The following SOX1 variants were observed in gnomAD, a reference collection of about 807,000 sequenced individuals.
The protein encoded by SOX1 is transcription factor SOX-1.
In SOX1, 1 loss-of-function variant was observed where a neutral mutation model predicts 0.9. That is an observed-to-expected ratio of 1.07 (90% CI 0.38 to 5.06). The LOEUF (loss-of-function observed/expected upper bound fraction) is 5.06. Among genes scored for constraint, SOX1 ranks in the 30% most tolerant of loss-of-function variants. The pLI is 0.16. For missense variants in SOX1, 564 were observed against 534.4 expected, an observed-to-expected ratio of 1.06 and a Z score of -0.55; for synonymous variants, 397 against 265.5, an observed-to-expected ratio of 1.50 and a Z score of -4.81.
chr13:112,068,111 G>T lies in SOX1; in HGVS notation c.453G>T (p.Ala151=). 1 of 1,458,162 alleles carries T rather than the reference G, an allele frequency of 6.9e-7. No homozygotes were observed. 90.3% of individuals were successfully genotyped at this position (1,458,162 alleles called of 1,614,324 possible). A position where few individuals can be genotyped will look rare whatever the true frequency, so the allele number is the denominator to read the frequency against. Residue 151 remains alanine (A), a synonymous_variant, in exon 1 of 1, where the codon GCG becomes GCT. Transcript: ENST00000330949. The surrounding 1 kb of genome is among the most constrained non-coding windows in gnomAD (Gnocchi z 6.9). ...LLAAGAGGGG[A]AVAMGVGVGV... ...CGGCCGGCGCGGGTGGCGGCGGCGCGGCTGTGGCCATGGGCGTGGGCGTGG... is the reference window on the plus strand; with the variant it reads ...CGGCCGGCGCGGGTGGCGGCGGCGCTGCTGTGGCCATGGGCGTGGGCGTGG...
At position 112,069,004 on chromosome 13, in the gene SOX1, T is replaced by G; in HGVS notation, c.*170T>G. 3.7e-5 allele frequency: 15 copies of G among 409,498 alleles called. No individual in the cohort carries two copies. Among genetic ancestry groups the G allele is most frequent in the East Asian group, 5.9e-5 (1 of 17,038 alleles). 25.4% of individuals were successfully genotyped at this position (409,498 alleles called of 1,614,324 possible). On this transcript the variant is annotated 3_prime_UTR_variant, in exon 1 of 1. Coordinates refer to ENST00000330949, the MANE Select transcript of SOX1 (RefSeq NM_005986.3). The stretch of plus-strand genomic sequence containing the variant: ...GGGTGACGCGTGTCCCCCACTCACC[T>G]TCCCCGGAGACCCTGGCGACCGCCG...
rs145264576 is a variant in SOX1, at chr13:112,068,036, C to T, written c.378C>T (p.Thr126=). The change falls in exon 1 of 1, where the codon ACC becomes ACT. Residue 126 remains threonine, a synonymous_variant. Transcript: ENST00000330949. This position sits in a 1 kb window ranked among gnomAD's most constrained non-coding sequence, Gnocchi z 6.9. ...ACAAGTACCGGCCGCGCCGCAAGAC[C>T]AAGACGCTGCTCAAGAAGGACAAGT... ...PDYKYRPRRK[T]KTLLKKDKYS... is the part of the protein sequence containing the mutation. The T allele has an allele frequency of 1.6e-4, 261 of 1,603,484 alleles. No individual in the cohort carries two copies. In the African/African-American group the frequency reaches 3.0e-3, roughly 19 times the overall value.
chr13:112,067,408 C>T lies in SOX1; in HGVS notation c.-251C>T, dbSNP rs1880745080. On this transcript the variant is annotated 5_prime_UTR_variant, in exon 1 of 1. Coordinates refer to ENST00000330949, the MANE Select transcript of SOX1 (RefSeq NM_005986.3). This position sits in a 1 kb window ranked among gnomAD's most constrained non-coding sequence, Gnocchi z 5.1. Reference sequence around the variant, plus strand: ...TGGCGGCGAAGACGGCGACCCCGACCGTCGGCCTCTTTGGCAAGTGGTTTG... The same window carrying T: ...TGGCGGCGAAGACGGCGACCCCGACTGTCGGCCTCTTTGGCAAGTGGTTTG... 6.6e-6 allele frequency among the ~76,000 whole-genome samples: 1 copy of T among 152,166 alleles called. No homozygotes were observed.
At position 112,068,228 on chromosome 13, in the gene SOX1, C is replaced by A; in HGVS notation, c.570C>A (p.Gly190=). ...GYAHVNGWAN[G]AYPGSVAAAA... ...CGCACGTCAACGGCTGGGCCAACGG[C>A]GCCTACCCCGGCTCGGTGGCGGCGG... is the stretch of plus-strand genomic sequence containing the variant. Residue 190 remains glycine, a synonymous_variant, in exon 1 of 1, where the codon GGC becomes GGA. Coordinates refer to ENST00000330949, the MANE Select transcript of SOX1 (RefSeq NM_005986.3). The surrounding 1 kb of genome is among the most constrained non-coding windows in gnomAD (Gnocchi z 6.9). 1 of 738,664 alleles carries A rather than the reference C, an allele frequency of 1.4e-6. No individual in the cohort carries two copies. The highest frequency in any genetic ancestry group is 1.7e-6 in the Non-Finnish European group (1 of 601,186). The allele number at this position is 738,664 out of a possible 1,614,324, so 45.8% of individuals were successfully genotyped here.
At position 112,067,455 on chromosome 13, in the gene SOX1, C is replaced by T. The variant is rs1041062085; in HGVS notation, c.-204C>T. ...TTTGTGCATCAGGAGAAACTTTCCA[C>T]CTGCGAGCCGAACCGGCGCCGAGTG... On this transcript the variant is annotated 5_prime_UTR_variant, in exon 1 of 1. Transcript: ENST00000330949. The surrounding 1 kb of genome is among the most constrained non-coding windows in gnomAD (Gnocchi z 5.1). Among the ~76,000 whole-genome samples, 30 of 152,290 alleles carry T rather than the reference C, an allele frequency of 2.0e-4. No homozygotes were observed. Among genetic ancestry groups the T allele is most frequent in the Admixed American group, 1.8e-3 (27 of 15,312 alleles).
At position 112,070,574 on chromosome 13, in the gene SOX1, G is replaced by A. The variant is rs913178467; in HGVS notation, c.*1740G>A. ...AAAAAAAAACACTTGAAGCCCAGAT[G>A]GAAATACGTTTATTTCAGCAGCCTT... is the stretch of plus-strand genomic sequence containing the variant. On this transcript the variant is annotated 3_prime_UTR_variant, in exon 1 of 1. Coordinates refer to ENST00000330949, the MANE Select transcript of SOX1 (RefSeq NM_005986.3). 1 of 166,798 alleles carries A rather than the reference G, an allele frequency of 6.0e-6. No homozygotes were observed. The highest frequency in any genetic ancestry group is 1.5e-5 in the Non-Finnish European group (1 of 68,074). 10.3% of individuals were successfully genotyped at this position (166,798 alleles called of 1,614,324 possible). A position where few individuals can be genotyped will look rare whatever the true frequency, so the allele number is the denominator to read the frequency against.
Position 112,068,483 on chromosome 13 carries a change from C to G in SOX1, c.825C>G (p.Gly275=). 1.8e-6 allele frequency: 2 copies of G among 1,122,734 alleles called. No individual in the cohort carries two copies. 69.5% of individuals were successfully genotyped at this position (1,122,734 alleles called of 1,614,324 possible). A position where few individuals can be genotyped will look rare whatever the true frequency, so the allele number is the denominator to read the frequency against. The change falls in exon 1 of 1, where the codon GGC becomes GGG. Residue 275 remains glycine, a synonymous_variant. Transcript: ENST00000330949. This position sits in a 1 kb window ranked among gnomAD's most constrained non-coding sequence, Gnocchi z 6.9. ...YMSASPSGYG[G]LPYGAAAAAA... ...GCGCGTCGCCCTCGGGCTACGGCGG[C>G]CTCCCCTACGGCGCCGCGGCCGCCG... is the stretch of plus-strand genomic sequence containing the variant.
Position 112,067,751 on chromosome 13 carries a change from C to T in SOX1, c.93C>T (p.Gly31=). ...CGGGCCCCGCCGGGGCGGGCGGCGGCGGGGGCGGAGGCGGGGGCGGCGGCG... is the reference window on the plus strand; with the variant it reads ...CGGGCCCCGCCGGGGCGGGCGGCGGTGGGGGCGGAGGCGGGGGCGGCGGCG... ...NLSGPAGAGG[G]GGGGGGGGGG... The change falls in exon 1 of 1, where the codon GGC becomes GGT. Residue 31 remains glycine (G), a synonymous_variant. Transcript: ENST00000330949. The surrounding 1 kb of genome is among the most constrained non-coding windows in gnomAD (Gnocchi z 5.1). The T allele has an allele frequency of 3.3e-6, 4 of 1,226,334 alleles. No individual in the cohort carries two copies. The highest frequency in any genetic ancestry group is 1.6e-5 in the African/African-American group (1 of 62,758). The allele number at this position is 1,226,334 out of a possible 1,614,324, so 76.0% of individuals were successfully genotyped here. A position where few individuals can be genotyped will look rare whatever the true frequency, so the allele number is the denominator to read the frequency against.
chr13:112,068,036 C>G lies in SOX1; in HGVS notation c.378C>G (p.Thr126=). 1 of 1,603,484 alleles carries G rather than the reference C, an allele frequency of 6.2e-7. No homozygotes were observed. Among genetic ancestry groups the G allele is most frequent in the Non-Finnish European group, 8.5e-7 (1 of 1,175,094 alleles). ...ACAAGTACCGGCCGCGCCGCAAGAC[C>G]AAGACGCTGCTCAAGAAGGACAAGT... ...PDYKYRPRRK[T]KTLLKKDKYS... The change falls in exon 1 of 1, where the codon ACC becomes ACG. Residue 126 remains threonine, a synonymous_variant. Transcript: ENST00000330949. The surrounding 1 kb of genome is among the most constrained non-coding windows in gnomAD (Gnocchi z 6.9).
chr13:112,070,440 CTT>C lies in SOX1; in HGVS notation c.*1608_*1609del, dbSNP rs950954139. ...TTGAAATTTAAAAATTTCTGTAAAA[CTT>C]TGTCTTCAAGTAATCTGACAGCATT... On this transcript the variant is annotated 3_prime_UTR_variant, in exon 1 of 1. Coordinates refer to ENST00000330949, the MANE Select transcript of SOX1 (RefSeq NM_005986.3). The C allele has an allele frequency of 1.2e-5, 2 of 166,074 alleles. No homozygotes were observed. The highest frequency in any genetic ancestry group is 4.9e-5 in the African/African-American group (2 of 41,120). 10.3% of individuals were successfully genotyped at this position (166,074 alleles called of 1,614,324 possible).
At position 112,068,552 on chromosome 13, in the gene SOX1, G is replaced by C. The variant is rs1460251630; in HGVS notation, c.894G>C (p.Ala298=). 1 of 971,008 alleles carries C rather than the reference G, an allele frequency of 1.0e-6. No individual in the cohort carries two copies. Among genetic ancestry groups the C allele is most frequent in the Non-Finnish European group, 1.2e-6 (1 of 815,368 alleles). 60.1% of individuals were successfully genotyped at this position (971,008 alleles called of 1,614,324 possible). The change falls in exon 1 of 1, where the codon GCG becomes GCC. Residue 298 remains alanine (A), a synonymous_variant. Transcript: ENST00000330949. This position sits in a 1 kb window ranked among gnomAD's most constrained non-coding sequence, Gnocchi z 6.9. ...AGGAHQNSAV[A]AAAAAAAASS... is the part of the protein sequence containing the mutation. ...GCGCGCACCAGAACTCGGCCGTGGC[G>C]GCGGCGGCGGCGGCGGCGGCCGCGT...
rs754244329 is a variant in SOX1, at chr13:112,067,690, A to C, written c.32A>C (p.His11Pro). ...AGCATGATGATGGAGACCGACCTGC[A>C]CTCGCCCGGCGGCGCCCAGGCCCCC... The part of the protein sequence containing the change: MYSMMMETDL[H>P]SPGGAQAPTN... Residue 11 changes from histidine (H) to proline (P), a missense_variant, in exon 1 of 1, where the codon CAC (histidine) becomes CCC (proline). His to Pro is a moderately conservative substitution (Grantham distance 77). Coordinates refer to ENST00000330949, the MANE Select transcript of SOX1 (RefSeq NM_005986.3). The surrounding 1 kb of genome is among the most constrained non-coding windows in gnomAD (Gnocchi z 5.1). 2 of 1,276,666 alleles carry C rather than the reference A, an allele frequency of 1.6e-6. No individual in the cohort carries two copies. The highest frequency in any genetic ancestry group is 2.0e-6 in the Non-Finnish European group (2 of 1,002,094). 79.1% of individuals were successfully genotyped at this position (1,276,666 alleles called of 1,614,324 possible). A position where few individuals can be genotyped will look rare whatever the true frequency, so the allele number is the denominator to read the frequency against.
chr13:112,068,549 G>A lies in SOX1; in HGVS notation c.891G>A (p.Val297=). 4 of 885,742 alleles carry A rather than the reference G, an allele frequency of 4.5e-6. No individual in the cohort carries two copies. The highest frequency in any genetic ancestry group is 5.4e-6 in the Non-Finnish European group (4 of 740,960). The allele number at this position is 885,742 out of a possible 1,614,324, so 54.9% of individuals were successfully genotyped here. A position where few individuals can be genotyped will look rare whatever the true frequency, so the allele number is the denominator to read the frequency against. Reference sequence around the variant, plus strand: ...GCGGCGCGCACCAGAACTCGGCCGTGGCGGCGGCGGCGGCGGCGGCGGCCG... The same window carrying A: ...GCGGCGCGCACCAGAACTCGGCCGTAGCGGCGGCGGCGGCGGCGGCGGCCG... The part of the protein sequence containing the change: ...AAGGAHQNSA[V]AAAAAAAAAS... The change falls in exon 1 of 1, where the codon GTG becomes GTA. Residue 297 remains valine (V), a synonymous_variant. Coordinates refer to ENST00000330949, the MANE Select transcript of SOX1 (RefSeq NM_005986.3). The surrounding 1 kb of genome is among the most constrained non-coding windows in gnomAD (Gnocchi z 6.9).
chr13:112,067,980 C>T lies in SOX1; in HGVS notation c.322C>T (p.Arg108Cys). The T allele has an allele frequency of 1.2e-6, 2 of 1,607,386 alleles. No individual in the cohort carries two copies. The highest frequency in any genetic ancestry group is 2.2e-5 in the East Asian group (1 of 44,624). ...RPFIDEAKRL[R>C]ALHMKEHPDY... ...GTTCATCGACGAGGCCAAGCGGCTGCGCGCGCTGCACATGAAGGAGCACCC... is the reference window on the plus strand; with the variant it reads ...GTTCATCGACGAGGCCAAGCGGCTGTGCGCGCTGCACATGAAGGAGCACCC... Residue 108 changes from arginine to cysteine, a missense_variant, in exon 1 of 1, where the codon CGC becomes TGC. By Grantham distance (180) the Arg-to-Cys change is radical (BLOSUM62 -3). Transcript: ENST00000330949. This position sits in a 1 kb window ranked among gnomAD's most constrained non-coding sequence, Gnocchi z 5.1.
rs1880774854 is a variant in SOX1 at position 112,068,131 on chromosome 13, GC to G, written c.474del (p.Val159TrpfsTer47). 1 of 1,114,558 alleles carries G rather than the reference GC, an allele frequency of 9.0e-7. No homozygotes were observed. Among genetic ancestry groups the G allele is most frequent in the Non-Finnish European group, 1.1e-6 (1 of 906,154 alleles). The allele number at this position is 1,114,558 out of a possible 1,614,324, so 69.0% of individuals were successfully genotyped here. On this transcript the variant is annotated frameshift_variant, in exon 1 of 1. Coordinates refer to ENST00000330949, the MANE Select transcript of SOX1 (RefSeq NM_005986.3). LOFTEE classifies it low-confidence loss of function (END_TRUNC). The surrounding 1 kb of genome is among the most constrained non-coding windows in gnomAD (Gnocchi z 6.9). Reference protein sequence around the residue: ...GGGAAVAMGVGVGVGAAAVGQ... With the variant: ...GGGAAVAMGVXVGVGAAAVGQ... ...GGCGCGGCTGTGGCCATGGGCGTGG[GC>G]GTGGGCGTGGGCGCGGCGGCCGTGG... is the stretch of plus-strand genomic sequence containing the variant.
Position 112,068,624 on chromosome 13 carries a change from C to G in SOX1, c.966C>G (p.Pro322=), listed in dbSNP as rs2138617317. 1.8e-5 allele frequency: 21 copies of G among 1,148,014 alleles called. No homozygotes were observed. The highest frequency in any genetic ancestry group is 2.1e-5 in the Non-Finnish European group (20 of 935,084). 71.1% of individuals were successfully genotyped at this position (1,148,014 alleles called of 1,614,324 possible). A position where few individuals can be genotyped will look rare whatever the true frequency, so the allele number is the denominator to read the frequency against. The change falls in exon 1 of 1, where the codon CCC becomes CCG. Residue 322 remains proline, a synonymous_variant. Coordinates refer to ENST00000330949, the MANE Select transcript of SOX1 (RefSeq NM_005986.3). The surrounding 1 kb of genome is among the most constrained non-coding windows in gnomAD (Gnocchi z 6.9). Reference sequence around the variant, plus strand: ...TGGGCTCTCTGGTGAAGTCGGAGCCCAGCGGCAGCCCGCCCGCCCCAGCGC... The same window carrying G: ...TGGGCTCTCTGGTGAAGTCGGAGCCGAGCGGCAGCCCGCCCGCCCCAGCGC... The part of the protein sequence containing the change: ...GALGSLVKSE[P]SGSPPAPAHS...
rs568987667 is a variant in SOX1 at position 112,070,587 on chromosome 13, T to C, written c.*1753T>C. ...TGAAGCCCAGATGGAAATACGTTTATTTCAGCAGCCTTAGGTTTCCCCTCG... is the reference window on the plus strand; with the variant it reads ...TGAAGCCCAGATGGAAATACGTTTACTTCAGCAGCCTTAGGTTTCCCCTCG... On this transcript the variant is annotated 3_prime_UTR_variant, in exon 1 of 1. Transcript: ENST00000330949. The C allele has an allele frequency of 1.8e-5, 3 of 167,174 alleles. No individual in the cohort carries two copies. The East Asian group carries it at 5.8e-4, about 32-fold the overall frequency. 10.4% of individuals were successfully genotyped at this position (167,174 alleles called of 1,614,324 possible).
chr13:112,068,396 G>C lies in SOX1; in HGVS notation c.738G>C (p.Met246Ile). 7.7e-7 allele frequency: 1 copy of C among 1,302,566 alleles called. No homozygotes were observed. Among genetic ancestry groups the C allele is most frequent in the Non-Finnish European group, 9.9e-7 (1 of 1,006,362 alleles). 80.7% of individuals were successfully genotyped at this position (1,302,566 alleles called of 1,614,324 possible). ...CGCACCCGCACAACCCGCAGCCCATGCACCGCTACGACATGGGCGCGCTGC... is the reference window on the plus strand; with the variant it reads ...CGCACCCGCACAACCCGCAGCCCATCCACCGCTACGACATGGGCGCGCTGC... ...PHAHPHNPQP[M>I]HRYDMGALQY... Residue 246 changes from methionine to isoleucine, a missense_variant, in exon 1 of 1, where the codon ATG becomes ATC. Physicochemically the swap from Met to Ile is conservative, Grantham distance 10. Transcript: ENST00000330949. The surrounding 1 kb of genome is among the most constrained non-coding windows in gnomAD (Gnocchi z 6.9).
Position 112,067,701 on chromosome 13 carries a change from G to A in SOX1, c.43G>A (p.Gly15Ser). The A allele has an allele frequency of 7.8e-7, 1 of 1,278,640 alleles. No homozygotes were observed. The highest frequency in any genetic ancestry group is 1.0e-6 in the Non-Finnish European group (1 of 1,003,468). 79.2% of individuals were successfully genotyped at this position (1,278,640 alleles called of 1,614,324 possible). A position where few individuals can be genotyped will look rare whatever the true frequency, so the allele number is the denominator to read the frequency against. ...GGAGACCGACCTGCACTCGCCCGGCGGCGCCCAGGCCCCCACGAACCTCTC... is the reference window on the plus strand; with the variant it reads ...GGAGACCGACCTGCACTCGCCCGGCAGCGCCCAGGCCCCCACGAACCTCTC... Reference protein sequence around the residue: ...MMETDLHSPGGAQAPTNLSGP... With the variant: ...MMETDLHSPGSAQAPTNLSGP... The change falls in exon 1 of 1, where the codon GGC becomes AGC. Residue 15 changes from glycine to serine, a missense_variant. Transcript: ENST00000330949. The surrounding 1 kb of genome is among the most constrained non-coding windows in gnomAD (Gnocchi z 5.1).
Sources: allele counts gnomAD v4.1 joint callset (sites outside exome capture counted in the v4.1 genomes callset), GRCh38; gene constraint gnomAD v4.1.1; non-coding constraint Gnocchi (gnomAD v3.1); transcripts MANE v1.5; gene names NCBI Gene and HGNC (gene_info 2026-07-23, HGNC 2026-07-21).